TBC1D5: variants seen among roughly 807,000 people sequenced by gnomAD.
The protein encoded by TBC1D5 is TBC1 domain family member 5, also known as TBC1 domain family, member 5.
Under a neutral mutation model 100.3 loss-of-function variants are expected in TBC1D5, and 75 were observed. The ratio of observed to expected loss-of-function variants is 0.75; its 90% confidence interval spans 0.62 to 0.91. The LOEUF (loss-of-function observed/expected upper bound fraction) is 0.91, where lower values mean the gene tolerates loss of function less well. Among genes scored for constraint, TBC1D5 ranks in the 40% least tolerant of loss-of-function variants. The pLI, the probability that TBC1D5 is intolerant of heterozygous loss-of-function variation, is 0.00. For synonymous variants in TBC1D5, 323 were observed against 325.6 expected, an observed-to-expected ratio of 0.99 and a Z score of 0.09; for missense variants, 910 against 942.4, an observed-to-expected ratio of 0.97 and a Z score of 0.45.
intron 4 of TBC1D5, among the ~76,000 whole-genome samples, chr3:17,413,432 G>T (rs571684223): frequency 1.3e-5 from 2 of 152,126 alleles, no homozygotes; most frequent in Non-Finnish European, 2.9e-5. Context: ...TAAGCTTCCT[G>T]CAATGGCTAT....
At chr3:17,164,640 G>A (rs1471142814) in intron 21 of TBC1D5, among the ~76,000 whole-genome samples, 1 of 152,190 alleles carries the variant, frequency 6.6e-6, no homozygotes, top group East Asian at 1.9e-4. Flanking sequence ...CCTCCCACAA[G>A]GAGTGAGGAG....
chr3:17,628,374 A>G lies in TBC1D5; in HGVS notation c.-100-4461T>C, dbSNP rs114927557. On this transcript the variant is annotated intron_variant, in intron 1 of 21. Coordinates refer to ENST00000253692, the Ensembl canonical transcript of TBC1D5. ...AACAAGAGTGAAACTCTGTCTTAGG[A>G]AAAAAAAAAAAAATACACACACCCA... Among the ~76,000 whole-genome samples the G allele has an allele frequency of 9.5e-3, 1,327 of 139,208 alleles. 27 individuals carry two copies. The highest frequency in any genetic ancestry group is 0.032 in the African/African-American group (1,254 of 39,226). 91.3% of individuals were successfully genotyped at this position (139,208 alleles called of 152,430 possible). A position where few individuals can be genotyped will look rare whatever the true frequency, so the allele number is the denominator to read the frequency against.
At chr3:17,256,613 T>C (rs1174246666) in intron 16 of TBC1D5, among the ~76,000 whole-genome samples, 1 of 152,016 alleles carries the variant, frequency 6.6e-6, no homozygotes, top group Non-Finnish European at 1.5e-5. Flanking sequence ...GTTGAAAATA[T>C]TTCAAAAAAT....
rs533104048 is a variant in TBC1D5 at position 17,615,155 on chromosome 3, T to C, written c.-36+8694A>G. ...TATTGAGATAATCATGTGGTTTTTG[T>C]TGTTAGTTCTGTTTATGTGATGAAT... On this transcript the variant is annotated intron_variant, in intron 2 of 21. Transcript: ENST00000253692. 1.4e-4 allele frequency among the ~76,000 whole-genome samples: 22 copies of C among 152,336 alleles called. No homozygotes were observed. The South Asian group carries it at 3.1e-3, about 22-fold the overall frequency.
chr3:17,709,992 G>C (rs111939281), intron 1 of TBC1D5, among the ~76,000 whole-genome samples: 1,739 of 152,200 alleles, frequency 0.011, 27 homozygotes, highest in African/African-American at 0.039. Flanking sequence ...ATGGGCCCTT[G>C]ATTAAAACCA....
At chr3:17,621,451 GCAA>G (rs1425036701) in intron 2 of TBC1D5, among the ~76,000 whole-genome samples, 1 of 152,156 alleles carries the variant, frequency 6.6e-6, no homozygotes, top group East Asian at 1.9e-4. Flanking sequence ...AGATAATCCT[GCAA>G]CAACTTCTTT....
chr3:17,172,218 G>A (rs899007362), intron 19 of TBC1D5, among the ~76,000 whole-genome samples: 1 of 152,168 alleles, frequency 6.6e-6, no homozygotes, highest in Non-Finnish European at 1.5e-5. Context: ...CACCTTCAGA[G>A]GCTGTTAGAT....
At chr3:17,516,058 A>G (rs1418014779) in intron 2 of TBC1D5, among the ~76,000 whole-genome samples, 2 of 152,230 alleles carry the variant, frequency 1.3e-5, no homozygotes, top group African/African-American at 4.8e-5. Context: ...TAGCCAAAGT[A>G]GCTTACATAA....
chr3:17,408,767 T>C (rs563066346), intron 4 of TBC1D5, among the ~76,000 whole-genome samples: 7 of 152,264 alleles, frequency 4.6e-5, no homozygotes, highest in South Asian at 2.1e-4. Context: ...TTTCAATACA[T>C]TGAAGCTTTT....
chr3:17,180,777 G>A (rs1280423690), intron 19 of TBC1D5, among the ~76,000 whole-genome samples: 1 of 152,116 alleles, frequency 6.6e-6, no homozygotes, highest in Non-Finnish European at 1.5e-5. Flanking sequence ...AGAAAGGTGG[G>A]AGGGTGGTGA....
chr3:17,322,710 G>A (rs1239231382), intron 13 of TBC1D5, among the ~76,000 whole-genome samples: 5 of 152,210 alleles, frequency 3.3e-5, no homozygotes, highest in Non-Finnish European at 5.9e-5. Context: ...CACAAGGGGT[G>A]TCCTTAAGTG....
intron 2 of TBC1D5, among the ~76,000 whole-genome samples, chr3:17,564,004 G>A (rs534539649): frequency 2.2e-4 from 34 of 152,236 alleles, no homozygotes; most frequent in Non-Finnish European, 4.0e-4. Context: ...GGATGGTCTC[G>A]ATCTCCTGAC....
chr3:17,612,486 CG>C (rs2061755070), intron 2 of TBC1D5, among the ~76,000 whole-genome samples: 1 of 151,572 alleles, frequency 6.6e-6, no homozygotes, highest in South Asian at 2.1e-4. Context: ...GAAAATTAGT[CG>C]GGCATGGTGG....
chr3:17,257,449 G>C (rs940786601), intron 16 of TBC1D5, among the ~76,000 whole-genome samples: 3 of 152,080 alleles, frequency 2.0e-5, no homozygotes, highest in Non-Finnish European at 4.4e-5. Flanking sequence ...ATTTTTATTT[G>C]TGTAACAAGA....
At chr3:17,493,918 C>T (rs1214517396) in intron 3 of TBC1D5, among the ~76,000 whole-genome samples, 1 of 152,168 alleles carries the variant, frequency 6.6e-6, no homozygotes, top group African/African-American at 2.4e-5. Flanking sequence ...CTTCTGAAGC[C>T]TATTTCTGTC....
intron 2 of TBC1D5, among the ~76,000 whole-genome samples, chr3:17,542,737 T>C (rs751018244): frequency 3.3e-5 from 5 of 152,334 alleles, no homozygotes; most frequent in African/African-American, 1.2e-4. Context: ...TTTCCCTTCA[T>C]TCTGTTATTG....
rs776183531 is a variant in TBC1D5, at chr3:17,520,203, C to T, written c.-35-11598G>A. Among the ~76,000 whole-genome samples, 10 of 152,114 alleles carry T rather than the reference C, an allele frequency of 6.6e-5. No individual in the cohort carries two copies. The East Asian group carries it at 1.3e-3, about 20-fold the overall frequency. On this transcript the variant is annotated intron_variant, in intron 2 of 21. Coordinates refer to ENST00000253692, the Ensembl canonical transcript of TBC1D5. ...AACAGGCTTATAGTGCATATAAATA[C>T]GAAAGCCTATTAGCCTGCATTTAAT... is the stretch of plus-strand genomic sequence containing the variant.
At chr3:17,366,555 T>G (rs891686157) in intron 13 of TBC1D5, among the ~76,000 whole-genome samples, 6 of 152,146 alleles carry the variant, frequency 3.9e-5, no homozygotes, top group Admixed American at 3.9e-4. Flanking sequence ...GGATCGTCAC[T>G]TTCTAATCCT....
intron 21 of TBC1D5, among the ~76,000 whole-genome samples, chr3:17,162,555 C>A (rs1186138261): frequency 6.6e-6 from 1 of 152,204 alleles, no homozygotes; most frequent in Non-Finnish European, 1.5e-5. Flanking sequence ...CTGCAACAGG[C>A]CTTGAGGTTC....
Sources: allele counts gnomAD v4.1 joint callset (sites outside exome capture counted in the v4.1 genomes callset), GRCh38; gene constraint gnomAD v4.1.1; transcripts MANE v1.5; gene names NCBI Gene and HGNC (gene_info 2026-07-23, HGNC 2026-07-21).